ALK: variants seen among roughly 807,000 people sequenced by gnomAD.
ALK encodes the protein ALK receptor tyrosine kinase.
A neutral mutation model predicts 163.1 loss-of-function variants in ALK; 74 were observed. That is an observed-to-expected ratio of 0.45 (90% CI 0.38 to 0.55). The LOEUF is 0.55. Among genes scored for constraint, ALK ranks in the 20% least tolerant of loss-of-function variants. The probability of loss-of-function intolerance (pLI) is 0.00; values close to 1 mark genes in which losing one functional copy is unlikely to be tolerated. For synonymous variants in ALK, 960 were observed against 843.2 expected (o/e 1.14, Z -2.40); for missense variants, 2,063 against 2,105.3 (o/e 0.98, Z 0.39).
chr2:29,434,943 T>C (rs1488480902), intron 4 of ALK, among the ~76,000 whole-genome samples: 1 of 152,242 alleles, frequency 6.6e-6, no homozygotes, highest in Non-Finnish European at 1.5e-5. Context: ...TGTCATTTCA[T>C]AGATAAGGAA....
chr2:29,635,456 G>T (rs1490886960), intron 3 of ALK, among the ~76,000 whole-genome samples: 2 of 152,198 alleles, frequency 1.3e-5, no homozygotes, highest in African/African-American at 4.8e-5. Flanking sequence ...GACAGGCAGA[G>T]ATTGGAGTGA....
intron 1 of ALK, among the ~76,000 whole-genome samples, chr2:29,769,265 G>A (rs1465696694): frequency 1.3e-5 from 2 of 152,166 alleles, no homozygotes; most frequent in African/African-American, 4.8e-5. Flanking sequence ...GGAGTCTCTT[G>A]ACTTCCATCT....
Position 29,532,024 on chromosome 2 carries a change from C to T in ALK, c.1045G>A (p.Val349Ile), listed in dbSNP as rs370848188. The change falls in exon 4 of 29, where the codon GTC (valine) becomes ATC (isoleucine). Residue 349 changes from valine (V) to isoleucine (I), a missense_variant. Val to Ile is a conservative substitution (Grantham distance 29). Around this residue, in one of 5 missense-constraint regions of ALK, gnomAD observed 987 missense variants for 939.5 expected, o/e 1.05. Coordinates refer to ENST00000389048, the MANE Select transcript of ALK (RefSeq NM_004304.5). ...RSSSEHCTLA[V>I]SVHRHLQPSG... ...GGCTGCAGGTGCCTGTGCACCGAGA[C>T]GGCCAGTGTGCAGTGCTCACTGCTG... 1.9e-5 allele frequency: 30 copies of T among 1,614,006 alleles called. No individual in the cohort carries two copies. In the African/African-American group the frequency reaches 1.9e-4, roughly 10 times the overall value.
intron 3 of ALK, among the ~76,000 whole-genome samples, chr2:29,663,160 C>T (rs1170476096): frequency 3.3e-5 from 5 of 152,162 alleles, no homozygotes; most frequent in African/African-American, 7.2e-5. Context: ...GACTAAACCA[C>T]GGGCCTAATT....
intron 9 of ALK, among the ~76,000 whole-genome samples, chr2:29,294,294 A>G (rs1452374624): frequency 6.6e-6 from 1 of 152,196 alleles, no homozygotes; most frequent in Non-Finnish European, 1.5e-5. Context: ...TTGCTCCTCC[A>G]TCAGTGACTT....
intron 3 of ALK, among the ~76,000 whole-genome samples, chr2:29,601,322 T>C (rs1675373849): frequency 6.6e-6 from 1 of 152,208 alleles, no homozygotes; most frequent in African/African-American, 2.4e-5. Context: ...ATTTAATGAC[T>C]TGATTCTGGT....
chr2:29,896,949 G>A (rs1011078106), intron 1 of ALK, among the ~76,000 whole-genome samples: 2 of 152,188 alleles, frequency 1.3e-5, no homozygotes, highest in African/African-American at 4.8e-5. Flanking sequence ...AAAGAGCCTA[G>A]GTTGATGTTT....
At chr2:29,898,770 G>C (rs1425167218) in intron 1 of ALK, among the ~76,000 whole-genome samples, 1 of 152,160 alleles carries the variant, frequency 6.6e-6, no homozygotes, top group Non-Finnish European at 1.5e-5. Context: ...TTCAGAAAGA[G>C]AGAAGCTTCA....
Position 29,540,150 on chromosome 2 carries a change from T to A in ALK, c.953-8034A>T, listed in dbSNP as rs1158868485. On this transcript the variant is annotated intron_variant, in intron 3 of 28. Transcript: ENST00000389048. ...CTTTGAGGAATTTAGATTGGCTTTA[T>A]TGAGCTGATAAGAAGCCCTTTAAAA... Among the ~76,000 whole-genome samples, 4 of 152,296 alleles carry A rather than the reference T, an allele frequency of 2.6e-5. No homozygotes were observed. In the South Asian group the frequency reaches 6.2e-4, roughly 24 times the overall value.
chr2:29,305,445 C>A (rs948405877), intron 8 of ALK, among the ~76,000 whole-genome samples: 1 of 152,186 alleles, frequency 6.6e-6, no homozygotes, highest in Non-Finnish European at 1.5e-5. Context: ...TCAGTTCTTA[C>A]TGAGTATTCC....
chr2:29,521,577 C>T (rs958715991), intron 4 of ALK, among the ~76,000 whole-genome samples: 4 of 152,196 alleles, frequency 2.6e-5, no homozygotes, highest in Non-Finnish European at 4.4e-5. Context: ...TTTAGCCAGG[C>T]ATATGTGTGT....
At chr2:29,545,145 C>T (rs1391707668) in intron 3 of ALK, among the ~76,000 whole-genome samples, 1 of 152,196 alleles carries the variant, frequency 6.6e-6, no homozygotes, top group Non-Finnish European at 1.5e-5. Context: ...GTCTCAAGCT[C>T]TTCTTTCTGA....
At chr2:29,809,789 C>T (rs1047289204) in intron 1 of ALK, among the ~76,000 whole-genome samples, 1 of 152,194 alleles carries the variant, frequency 6.6e-6, no homozygotes, top group Admixed American at 6.5e-5. Context: ...TTCCAAAGAG[C>T]AACTAGTATT....
At chr2:29,820,338 GC>G (rs1457048433) in intron 1 of ALK, among the ~76,000 whole-genome samples, 3 of 152,152 alleles carry the variant, frequency 2.0e-5, no homozygotes, top group East Asian at 3.9e-4. Context: ...CTCCATTGAA[GC>G]CCTCAGATGA....
intron 3 of ALK, among the ~76,000 whole-genome samples, chr2:29,539,154 A>G (rs1673343678): frequency 6.6e-6 from 1 of 152,180 alleles, no homozygotes; most frequent in Non-Finnish European, 1.5e-5. Flanking sequence ...AGTGTGGAAA[A>G]TCAATAAACA....
chr2:29,331,701 T>A (rs1667444071), intron 5 of ALK, among the ~76,000 whole-genome samples: 1 of 152,114 alleles, frequency 6.6e-6, no homozygotes, highest in Admixed American at 6.6e-5. Context: ...CGGGGCTGTG[T>A]CCCAGGAGTC....
chr2:29,510,248 G>A (rs1385935433), intron 4 of ALK, among the ~76,000 whole-genome samples: 1 of 152,200 alleles, frequency 6.6e-6, no homozygotes, highest in Non-Finnish European at 1.5e-5. Flanking sequence ...TGGCAAGTAT[G>A]AAATGTCCCT....
chr2:29,456,143 T>C (rs1670947373), intron 4 of ALK, among the ~76,000 whole-genome samples: 1 of 152,178 alleles, frequency 6.6e-6, no homozygotes, highest in Admixed American at 6.5e-5. Context: ...GTGCAGGGGC[T>C]GTGGAAAACA....
At chr2:29,277,226 T>G (rs1434574734) in intron 9 of ALK, among the ~76,000 whole-genome samples, 1 of 152,164 alleles carries the variant, frequency 6.6e-6, no homozygotes, top group African/African-American at 2.4e-5. Context: ...TCATATGGAT[T>G]TGCAGTGAGG....
Sources: allele counts gnomAD v4.1 joint callset (sites outside exome capture counted in the v4.1 genomes callset), GRCh38; gene constraint gnomAD v4.1.1; regional missense constraint gnomAD v4.1.1; transcripts MANE v1.5; gene names NCBI Gene and HGNC (gene_info 2026-07-23, HGNC 2026-07-21).